The following ITPRID1 variants were observed in gnomAD, a reference collection of about 807,000 sequenced individuals.
The protein encoded by ITPRID1 is protein ITPRID1.
Under a neutral mutation model 95.4 loss-of-function variants are expected in ITPRID1, and 96 were observed. The ratio of observed to expected loss-of-function variants is 1.01; its 90% CI spans 0.85 to 1.19. The LOEUF is 1.19. Ranked by LOEUF, ITPRID1 falls within the 50% of genes most tolerant of loss-of-function variation. The probability of loss-of-function intolerance (pLI) is 0.00; values close to 1 mark genes in which losing one functional copy is unlikely to be tolerated. For missense variants in ITPRID1, 1,339 were observed against 1,252.9 expected (o/e 1.07, Z -1.04); for synonymous variants, 510 against 453.6 (o/e 1.12, Z -1.58).
At chr7:31,589,082 G>A (rs1785750356) in intron 10 of ITPRID1, among the ~76,000 whole-genome samples, 2 of 151,914 alleles carry the variant, frequency 1.3e-5, no homozygotes, top group Non-Finnish European at 2.9e-5. Flanking sequence ...GAAGGATGTA[G>A]AGGAAAATAT....
At chr7:31,634,939 T>A (rs1789346119) in intron 10 of ITPRID1, among the ~76,000 whole-genome samples, 1 of 152,168 alleles carries the variant, frequency 6.6e-6, no homozygotes, top group Non-Finnish European at 1.5e-5. Flanking sequence ...GTTCCCCTAG[T>A]CTTGGCTTAG....
At chr7:31,649,468 A>G (rs1291938836) in intron 12 of ITPRID1, among the ~76,000 whole-genome samples, 2 of 152,200 alleles carry the variant, frequency 1.3e-5, no homozygotes, top group Non-Finnish European at 2.9e-5. Context: ...TTCCCAGCTC[A>G]CTGGCCATTG....
At chr7:31,586,684 G>T (rs947090949) in intron 10 of ITPRID1, among the ~76,000 whole-genome samples, 1 of 152,110 alleles carries the variant, frequency 6.6e-6, no homozygotes, top group African/African-American at 2.4e-5. Context: ...TTTTGATGGG[G>T]TTGTCTGTTT....
At chr7:31,565,606 C>T (rs1784771805) in intron 5 of ITPRID1, among the ~76,000 whole-genome samples, 1 of 152,084 alleles carries the variant, frequency 6.6e-6, no homozygotes, top group Non-Finnish European at 1.5e-5. Context: ...GGCGTTGTGG[C>T]ACATGCTTGT....
At chr7:31,633,744 G>A (rs1365751805) in intron 10 of ITPRID1, among the ~76,000 whole-genome samples, 1 of 152,200 alleles carries the variant, frequency 6.6e-6, no homozygotes, top group Non-Finnish European at 1.5e-5. Context: ...TGTACCATTG[G>A]AGGACAGAAG....
At chr7:31,636,503 A>G (rs925677358) in intron 10 of ITPRID1, among the ~76,000 whole-genome samples, 2 of 152,156 alleles carry the variant, frequency 1.3e-5, no homozygotes, top group African/African-American at 4.8e-5. Context: ...AAACATATAG[A>G]AAAAGCAATA....
rs1041156268 is a variant in ITPRID1, at chr7:31,642,200, G to A, written c.1253G>A (p.Ser418Asn). 6.4e-7 allele frequency: 1 copy of A among 1,561,526 alleles called. No individual in the cohort carries two copies. Among genetic ancestry groups the A allele is most frequent in the Non-Finnish European group, 8.7e-7 (1 of 1,153,842 alleles). ...TVGARVDRANSCQSDSSGFLE... is the reference protein window; with the variant it reads ...TVGARVDRANNCQSDSSGFLE... Reference sequence around the variant, plus strand: ...GGTGCCAGGGTGGACAGAGCAAATAGCTGCCAGTCTGACAGCAGCGGGTTC... The same window carrying A: ...GGTGCCAGGGTGGACAGAGCAAATAACTGCCAGTCTGACAGCAGCGGGTTC... The change falls in exon 11 of 15, where the codon AGC becomes AAC. Residue 418 changes from serine to asparagine, a missense_variant. By Grantham distance (46) the Ser-to-Asn change is conservative. Transcript: ENST00000615280.
At chr7:31,658,444 G>A (rs149244251), downstream of ITPRID1, 2,668 of 1,381,146 alleles carry the variant, frequency 1.9e-3, 1 homozygote, top group Middle Eastern at 5.2e-3. Flanking sequence ...AACACATGTC[G>A]AACAAAATAG....
intron 5 of ITPRID1, among the ~76,000 whole-genome samples, chr7:31,566,824 G>A (rs898712068): frequency 3.3e-5 from 5 of 152,158 alleles, no homozygotes; most frequent in Non-Finnish European, 7.3e-5. Flanking sequence ...GGAGTTGGGT[G>A]CAGTGAGCAA....
In ITPRID1 at chr7:31,620,399, CTCT is replaced by C. The variant is rs549025012; in HGVS notation, c.1229-21776_1229-21774del. 7.3e-4 allele frequency among the ~76,000 whole-genome samples: 111 copies of C among 151,988 alleles called. 2 individuals carry two copies. The South Asian group carries it at 0.023, about 32-fold the overall frequency. On this transcript the variant is annotated intron_variant, in intron 10 of 14. Transcript: ENST00000615280. ...TGACACCTCACACGGCCGGGTACTCCTCTGAGACAAAACTTCCAGAGGAACGAT... is the reference window on the plus strand; with the variant it reads ...TGACACCTCACACGGCCGGGTACTCCGAGACAAAACTTCCAGAGGAACGAT...
At position 31,654,604 on chromosome 7, in the gene ITPRID1, G is replaced by A. The variant is rs745659440; in HGVS notation, c.*1775G>A. ...CAAGGTGAGAAGCAAATGTCGTCAAGTTGCTTCTATTCAGCCTTGGAGGCT... is the reference window on the plus strand; with the variant it reads ...CAAGGTGAGAAGCAAATGTCGTCAAATTGCTTCTATTCAGCCTTGGAGGCT... On this transcript the variant is annotated 3_prime_UTR_variant, in exon 15 of 15. Transcript: ENST00000615280. 1.2e-4 allele frequency among the ~76,000 whole-genome samples: 19 copies of A among 152,180 alleles called. No homozygotes were observed. The highest frequency in any genetic ancestry group is 2.5e-4 in the Non-Finnish European group (17 of 68,046).
intron 10 of ITPRID1, among the ~76,000 whole-genome samples, chr7:31,623,499 A>G (rs1415711499): frequency 1.3e-5 from 2 of 151,972 alleles, no homozygotes; most frequent in Non-Finnish European, 2.9e-5. Context: ...ACCAAAGACA[A>G]AAATGACACG....
chr7:31,561,790 G>C (rs1219161067), intron 5 of ITPRID1, among the ~76,000 whole-genome samples: 2 of 152,100 alleles, frequency 1.3e-5, no homozygotes, highest in African/African-American at 2.4e-5. Context: ...CCCTTTCTAA[G>C]AACTACCACC....
At chr7:31,623,509 G>T (rs1016647925) in intron 10 of ITPRID1, among the ~76,000 whole-genome samples, 5 of 151,680 alleles carry the variant, frequency 3.3e-5, no homozygotes, top group African/African-American at 1.2e-4. Flanking sequence ...AAAATGACAC[G>T]ATTATCTCAA....
intron 8 of ITPRID1, among the ~76,000 whole-genome samples, chr7:31,575,323 C>T (rs188897658): frequency 1.3e-4 from 20 of 152,296 alleles, no homozygotes; most frequent in African/African-American, 1.9e-4. Flanking sequence ...ATCGTTTATA[C>T]CTTGAGCTGT....
At chr7:31,606,188 G>A (rs1786613763) in intron 10 of ITPRID1, among the ~76,000 whole-genome samples, 1 of 151,900 alleles carries the variant, frequency 6.6e-6, no homozygotes, top group South Asian at 2.1e-4. Flanking sequence ...CTGATAAATA[G>A]GACTATTTAA....
Position 31,643,800 on chromosome 7 carries a change from T to C in ITPRID1, c.2430T>C (p.His810=), listed in dbSNP as rs1562652123. 6.2e-7 allele frequency: 1 copy of C among 1,613,982 alleles called. No homozygotes were observed. Among genetic ancestry groups the C allele is most frequent in the African/African-American group, 1.3e-5 (1 of 75,060 alleles). ...CTGCCCACTGCTGCATCTGCTGTCA[T>C]CACCACCCTCACTGCCACGGGGAGA... ...AIPAHCCICC[H]HHPHCHGERQ... is the part of the protein sequence containing the mutation. Residue 810 remains histidine, a synonymous_variant, in exon 12 of 15, where the codon CAT becomes CAC. Coordinates refer to ENST00000615280, the MANE Select transcript of ITPRID1 (RefSeq NM_001257967.3).
At chr7:31,600,795 A>T (rs1190652006) in intron 10 of ITPRID1, among the ~76,000 whole-genome samples, 1 of 152,118 alleles carries the variant, frequency 6.6e-6, no homozygotes, top group Non-Finnish European at 1.5e-5. Flanking sequence ...TTGTCTCTCA[A>T]CATGCATGCC....
At position 31,654,778 on chromosome 7, in the gene ITPRID1, G is replaced by A. The variant is rs1325312323; in HGVS notation, c.*1949G>A. On this transcript the variant is annotated 3_prime_UTR_variant, in exon 15 of 15. Transcript: ENST00000615280. ...CATGAGGGAAGTTTATAATTTGTATGAAAAGATGGTCAAAGGAGAGGTCAC... is the reference window on the plus strand; with the variant it reads ...CATGAGGGAAGTTTATAATTTGTATAAAAAGATGGTCAAAGGAGAGGTCAC... Among the ~76,000 whole-genome samples, 1 of 152,156 alleles carries A rather than the reference G, an allele frequency of 6.6e-6. No individual in the cohort carries two copies. The highest frequency in any genetic ancestry group is 6.5e-5 in the Admixed American group (1 of 15,268).
Sources: gnomAD v4.1 joint callset for allele counts (sites outside exome capture counted in the v4.1 genomes callset) on GRCh38, gnomAD v4.1.1 for gene constraint, MANE v1.5 for transcripts, NCBI Gene and HGNC (gene_info 2026-07-23, HGNC 2026-07-21) for gene names.